The following GRIA2 variants were observed in gnomAD, a reference collection of about 807,000 sequenced individuals.
GRIA2 encodes glutamate receptor 2.
In GRIA2, 14 loss-of-function variants were observed where a neutral mutation model predicts 97.3. The observed-to-expected ratio is 0.14, with a 90% CI of 0.10 to 0.23. The LOEUF (loss-of-function observed/expected upper bound fraction) is 0.23, where lower values mean the gene tolerates loss of function less well. Ranked by LOEUF, GRIA2 falls within the 10% of genes least tolerant of loss-of-function variation. GRIA2 has a pLI of 1.00. For missense variants in GRIA2, 558 were observed against 1,069.8 expected, an observed-to-expected ratio of 0.52 and a Z score of 6.67; for synonymous variants, 412 against 387.8, an observed-to-expected ratio of 1.06 and a Z score of -0.73.
At chr4:157,271,093 A>C (rs1264146150) in intron 2 of GRIA2, among the ~76,000 whole-genome samples, 1 of 152,072 alleles carries the variant, frequency 6.6e-6, no homozygotes, top group Non-Finnish European at 1.5e-5. Context: ...TAGCGTATTA[A>C]GAGAAGAAAA....
chr4:157,331,747 T>C (rs2126929661), intron 6 of GRIA2, among the ~76,000 whole-genome samples: 1 of 152,024 alleles, frequency 6.6e-6, no homozygotes, highest in Admixed American at 6.6e-5. Context: ...AGGTTTTCAG[T>C]GGAATTTAGA....
At chr4:157,288,323 A>G (rs1352063080) in intron 2 of GRIA2, among the ~76,000 whole-genome samples, 1 of 151,684 alleles carries the variant, frequency 6.6e-6, no homozygotes, top group African/African-American at 2.4e-5. Context: ...TTTTTTAGGT[A>G]CTAACCCTGT....
chr4:157,232,934 A>G (rs1302559887), intron 2 of GRIA2, among the ~76,000 whole-genome samples: 1 of 152,244 alleles, frequency 6.6e-6, no homozygotes, highest in Non-Finnish European at 1.5e-5. Flanking sequence ...AAAGGGAAAC[A>G]GACATTATAG....
At chr4:157,241,526 A>T (rs1405933169) in intron 2 of GRIA2, among the ~76,000 whole-genome samples, 1 of 152,104 alleles carries the variant, frequency 6.6e-6, no homozygotes, top group Non-Finnish European at 1.5e-5. Flanking sequence ...ATATCTGTTT[A>T]GTTGATTTTG....
chr4:157,355,493 A>G (rs891845128), intron 12 of GRIA2, among the ~76,000 whole-genome samples: 2 of 146,570 alleles, frequency 1.4e-5, no homozygotes, highest in Non-Finnish European at 3.0e-5. Context: ...ATGCCATTGC[A>G]CTCCAGCCTG....
At chr4:157,260,297 C>T (rs1449377097) in intron 2 of GRIA2, among the ~76,000 whole-genome samples, 1 of 151,982 alleles carries the variant, frequency 6.6e-6, no homozygotes, top group East Asian at 1.9e-4. Context: ...CTGTTAATTA[C>T]AATAAAAATA....
intron 13 of GRIA2, chr4:157,360,757 C>A: frequency 5.7e-6 from 3 of 530,594 alleles, no homozygotes; most frequent in Non-Finnish European, 1.1e-5. Context: ...GATGTGAGTA[C>A]ATTGCTGTAG....
At chr4:157,258,261 G>A (rs1731368567) in intron 2 of GRIA2, among the ~76,000 whole-genome samples, 1 of 152,052 alleles carries the variant, frequency 6.6e-6, no homozygotes, top group Admixed American at 6.6e-5. Flanking sequence ...TCTTTCAAAA[G>A]CAAATAGGAG....
chr4:157,337,229 AT>A lies in GRIA2; in HGVS notation c.1844+490del, dbSNP rs199857961. On this transcript the variant is annotated intron_variant, in intron 11 of 15. Coordinates refer to ENST00000264426, the MANE Select transcript of GRIA2 (RefSeq NM_001083619.3). ...GTATGGGAGAGATATTATAAAATTT[AT>A]TTTTTTTCTAGGTGAGGTTGCTGGA... 3.1e-3 allele frequency among the ~76,000 whole-genome samples: 463 copies of A among 151,714 alleles called. 2 individuals are homozygous for A. The highest frequency in any genetic ancestry group is 3.7e-3 in the Non-Finnish European group (249 of 67,870).
At chr4:157,286,917 G>C (rs915216800) in intron 2 of GRIA2, among the ~76,000 whole-genome samples, 1 of 151,554 alleles carries the variant, frequency 6.6e-6, no homozygotes, top group African/African-American at 2.4e-5. Context: ...TGGATAAACA[G>C]TATCTGAAGT....
chr4:157,332,112 A>G (rs555829953), intron 6 of GRIA2, among the ~76,000 whole-genome samples: 2 of 152,206 alleles, frequency 1.3e-5, no homozygotes, highest in African/African-American at 4.8e-5. Flanking sequence ...ACTACTACTT[A>G]TCTAGACACT....
intron 2 of GRIA2, among the ~76,000 whole-genome samples, chr4:157,264,093 A>G (rs1731664473): frequency 6.6e-6 from 1 of 152,118 alleles, no homozygotes; most frequent in Non-Finnish European, 1.5e-5. Context: ...CTGCAGATGT[A>G]TCATGTGTTA....
chr4:157,282,700 A>T (rs1189797752), intron 2 of GRIA2, among the ~76,000 whole-genome samples: 1 of 152,098 alleles, frequency 6.6e-6, no homozygotes, highest in East Asian at 1.9e-4. Context: ...TCAGCCAGAA[A>T]ATATATTGTT....
chr4:157,221,347 AT>A (rs1729483641), intron 1 of GRIA2: 1 of 560,996 alleles, frequency 1.8e-6, no homozygotes, highest in South Asian at 2.5e-5. Flanking sequence ...CTCATTTCGG[AT>A]CCCCAAATTT....
At chr4:157,281,338 T>A (rs1732585608) in intron 2 of GRIA2, among the ~76,000 whole-genome samples, 1 of 152,146 alleles carries the variant, frequency 6.6e-6, no homozygotes, top group Admixed American at 6.6e-5. Context: ...TTTTGGGTAC[T>A]CGGATCTGTC....
chr4:157,360,256 C>A, intron 13 of GRIA2, 113 bp downstream of exon 13: 3 of 1,064,972 alleles, frequency 2.8e-6, no homozygotes, highest in Admixed American at 2.6e-5. Flanking sequence ...AACTCACCAT[C>A]ACAAAAATGA....
intron 12 of GRIA2, among the ~76,000 whole-genome samples, chr4:157,352,718 T>TAAAAAAAAAAA (rs571562254): frequency 3.2e-5 from 3 of 92,714 alleles, no homozygotes; most frequent in Non-Finnish European, 6.2e-5. Flanking sequence ...AGACTCCATC[T>TAAAAAAAAAAA]AAAAAAAAAA....
chr4:157,316,504 A>AG (rs1734325556), intron 4 of GRIA2, among the ~76,000 whole-genome samples: 1 of 152,032 alleles, frequency 6.6e-6, no homozygotes, highest in Non-Finnish European at 1.5e-5. Flanking sequence ...GTTTTCTCCC[A>AG]GGGGGTGTAA....
At chr4:157,286,297 C>G (rs1732844167) in intron 2 of GRIA2, among the ~76,000 whole-genome samples, 1 of 151,368 alleles carries the variant, frequency 6.6e-6, no homozygotes. Flanking sequence ...AACAATTTTT[C>G]ACACATGAAA....
Sources: gnomAD v4.1 joint callset for allele counts (sites outside exome capture counted in the v4.1 genomes callset) on GRCh38, gnomAD v4.1.1 for gene constraint, MANE v1.5 for transcripts, NCBI Gene and HGNC (gene_info 2026-07-23, HGNC 2026-07-21) for gene names.